The following PHIP variants were observed in gnomAD, a reference collection of about 807,000 sequenced individuals.
The protein encoded by PHIP is PH-interacting protein.
PHIP carries 54 observed loss-of-function variants against 236.8 expected under a neutral mutation model. The ratio of observed to expected loss-of-function variants is 0.23; its 90% CI spans 0.18 to 0.29. PHIP has a LOEUF of 0.29. PHIP is among the 10% of genes least tolerant of loss of function. The pLI is 1.00. For synonymous variants in PHIP, 756 were observed against 718.9 expected, an observed-to-expected ratio of 1.05 and a Z score of -0.83; for missense variants, 1,370 against 2,190.8, an observed-to-expected ratio of 0.63 and a Z score of 7.48.
Position 78,941,332 on chromosome 6 carries a change from TAAA to T in PHIP, c.4829-5_4829-3del, listed in dbSNP as rs1287940172. ...CAAGAGCGTTGTTCTTACAATCTCC[TAAA>T]AGGGAACAACAGTACACTTAATATA... is the stretch of plus-strand genomic sequence containing the variant. On this transcript the variant is annotated splice_region_variant and splice_polypyrimidine_tract_variant and intron_variant, in intron 39 of 39. Coordinates refer to ENST00000275034, the MANE Select transcript of PHIP (RefSeq NM_017934.7). 6.2e-7 allele frequency: 1 copy of T among 1,609,810 alleles called. No homozygotes were observed. The highest frequency in any genetic ancestry group is 8.5e-7 in the Non-Finnish European group (1 of 1,177,638).
chr6:79,059,626 A>ATATATATATATATGTAT (rs1562216785), intron 6 of PHIP, among the ~76,000 whole-genome samples: 3 of 43,200 alleles, frequency 6.9e-5, no homozygotes, highest in Non-Finnish European at 1.5e-4. Context: ...TATATATATA[A>ATATATATATATATGTAT]AAATGCCAAA....
intron 7 of PHIP, among the ~76,000 whole-genome samples, chr6:79,039,370 C>T (rs1344311866): frequency 6.6e-6 from 1 of 152,242 alleles, no homozygotes; most frequent in Non-Finnish European, 1.5e-5. Flanking sequence ...ATATCCAATT[C>T]GACTCCTAAA....
intron 4 of PHIP, chr6:79,067,699 T>C (rs996199687): frequency 4.6e-5 from 7 of 152,748 alleles, no homozygotes; most frequent in African/African-American, 1.7e-4. Context: ...GAAAGAATGA[T>C]TCATGGTTCT....
intron 24 of PHIP, among the ~76,000 whole-genome samples, chr6:78,977,228 G>A (rs550973990): frequency 6.6e-6 from 1 of 151,096 alleles, no homozygotes; most frequent in African/African-American, 2.4e-5. Flanking sequence ...CCTTTGTAGG[G>A]ACATGGATGA....
intron 15 of PHIP, among the ~76,000 whole-genome samples, chr6:79,011,979 T>C (rs1363619488): frequency 6.6e-6 from 1 of 151,512 alleles, no homozygotes; most frequent in African/African-American, 2.4e-5. Flanking sequence ...ATTTAAAAAT[T>C]ATTAAAATGT....
rs1247629070 is a variant in PHIP, at chr6:79,026,469, A to T, written c.601-305T>A. On this transcript the variant is annotated intron_variant, in intron 7 of 39. Coordinates refer to ENST00000275034, the MANE Select transcript of PHIP (RefSeq NM_017934.7). Reference sequence around the variant, plus strand: ...TAAAAGAAATTGAACTTCTGAAATAAAAAAAAAAAAATCATAGCTGCAAAA... The same window carrying T: ...TAAAAGAAATTGAACTTCTGAAATATAAAAAAAAAAATCATAGCTGCAAAA... Among the ~76,000 whole-genome samples, 17 of 1,090 alleles carry T rather than the reference A, an allele frequency of 0.016. No individual in the cohort carries two copies. In the South Asian group the frequency reaches 0.18, roughly 11 times the overall value. The allele number at this position is 1,090 out of a possible 152,430, so 0.7% of individuals were successfully genotyped here. A position where few individuals can be genotyped will look rare whatever the true frequency, so the allele number is the denominator to read the frequency against.
At chr6:79,017,445 TAA>T in intron 11 of PHIP, 36 bp downstream of exon 11, 1 of 1,574,164 alleles carries the variant, frequency 6.4e-7, no homozygotes, top group Non-Finnish European at 8.7e-7. Flanking sequence ...TGGACTCACA[TAA>T]ATTATACTCA....
chr6:79,010,011 CAG>C (rs1478839848), intron 15 of PHIP, among the ~76,000 whole-genome samples: 2 of 147,254 alleles, frequency 1.4e-5, no homozygotes, highest in African/African-American at 2.5e-5. Flanking sequence ...CCTTTTAACA[CAG>C]AGAGTATAAA....
At chr6:78,992,433 G>T (rs1769326757) in intron 19 of PHIP, among the ~76,000 whole-genome samples, 1 of 151,792 alleles carries the variant, frequency 6.6e-6, no homozygotes, top group African/African-American at 2.4e-5. Flanking sequence ...TAGTTTGTGT[G>T]TGTGTGTACA....
At chr6:78,947,281 T>C (rs1416563571) in intron 36 of PHIP, among the ~76,000 whole-genome samples, 1 of 152,214 alleles carries the variant, frequency 6.6e-6, no homozygotes, top group Admixed American at 6.5e-5. Flanking sequence ...GAGTGTTAAA[T>C]TATATTTTTA....
intron 12 of PHIP, among the ~76,000 whole-genome samples, chr6:79,016,935 G>T (rs996838241): frequency 6.6e-6 from 1 of 151,862 alleles, no homozygotes; most frequent in Non-Finnish European, 1.5e-5. Context: ...CAATATTAAA[G>T]AATCTGACTT....
chr6:79,066,340 ACT>A (rs1281697953), intron 4 of PHIP, among the ~76,000 whole-genome samples: 2 of 152,186 alleles, frequency 1.3e-5, no homozygotes, highest in African/African-American at 4.8e-5. Context: ...ACTACTCATA[ACT>A]CTGAGAGGTA....
In PHIP at chr6:78,946,842, G is replaced by A. The variant is rs766384766; in HGVS notation, c.4239C>T (p.Phe1413=). Residue 1413 remains phenylalanine, a synonymous_variant, in exon 37 of 40, where the codon TTC becomes TTT. Coordinates refer to ENST00000275034, the MANE Select transcript of PHIP (RefSeq NM_017934.7). The part of the protein sequence containing the change: ...IYSMSLRLSA[F]FEEHISSVLS... ...AAACTGAACTAATGTGTTCTTCAAA[G>A]AAAGCAGACAGGCGCAAACTCATGC... The A allele has an allele frequency of 7.6e-6, 12 of 1,578,006 alleles. No individual in the cohort carries two copies. The Admixed American group carries it at 2.0e-4, about 26-fold the overall frequency.
At chr6:78,959,218 A>G (rs1397738137) in intron 31 of PHIP, among the ~76,000 whole-genome samples, 3 of 152,148 alleles carry the variant, frequency 2.0e-5, no homozygotes, top group Non-Finnish European at 4.4e-5. Context: ...ATCCAAGGAC[A>G]ACTTTTGAGA....
chr6:78,957,571 A>G (rs1199580179), intron 32 of PHIP: 1 of 150,554 alleles, frequency 6.6e-6, no homozygotes, highest in African/African-American at 2.4e-5. Flanking sequence ...TGAAGCAGGG[A>G]TGTTTATTAA....
intron 38 of PHIP, 102 bp from the exon 39 acceptor site, chr6:78,945,599 T>A: frequency 1.4e-6 from 1 of 732,052 alleles, no homozygotes. Flanking sequence ...CAACAAAACC[T>A]GAAGGATGCT....
At chr6:78,969,245 G>C (rs1767360312) in intron 27 of PHIP, among the ~76,000 whole-genome samples, 1 of 152,116 alleles carries the variant, frequency 6.6e-6, no homozygotes, top group South Asian at 2.1e-4. Flanking sequence ...GGACAGACTG[G>C]TATATCAATT....
At chr6:78,985,617 G>C (rs1312915014) in intron 21 of PHIP, among the ~76,000 whole-genome samples, 189 bp from the exon 22 acceptor site, 1 of 152,198 alleles carries the variant, frequency 6.6e-6, no homozygotes, top group African/African-American at 2.4e-5. Flanking sequence ...AAGGTGGGCA[G>C]ATCACTTAAG....
At chr6:79,062,481 A>ATT (rs1161001425) in intron 4 of PHIP, among the ~76,000 whole-genome samples, 2 of 152,188 alleles carry the variant, frequency 1.3e-5, no homozygotes, top group Non-Finnish European at 2.9e-5. Context: ...GCAAATGATT[A>ATT]TTTTAATGTG....
Sources: allele counts gnomAD v4.1 joint callset (sites outside exome capture counted in the v4.1 genomes callset), GRCh38; gene constraint gnomAD v4.1.1; transcripts MANE v1.5; gene names NCBI Gene and HGNC (gene_info 2026-07-23, HGNC 2026-07-21).